KCNN3: variants seen among roughly 807,000 people sequenced by gnomAD.
The protein encoded by KCNN3 is small conductance calcium-activated potassium channel protein 3.
Under a neutral mutation model 62.9 loss-of-function variants are expected in KCNN3, and 16 were observed. The ratio of observed to expected loss-of-function variants is 0.25; its 90% CI spans 0.17 to 0.39. The LOEUF is 0.39. Ranked by LOEUF, KCNN3 falls within the 10% of genes least tolerant of loss-of-function variation. The pLI is 1.00. For missense variants in KCNN3, 599 were observed against 949.4 expected (o/e 0.63, Z 4.85); for synonymous variants, 370 against 389.2 (o/e 0.95, Z 0.58).
intron 5 of KCNN3, 72 bp from the exon 6 acceptor site, chr1:154,715,075 T>C: frequency 6.4e-7 from 1 of 1,553,004 alleles, no homozygotes; most frequent in Non-Finnish European, 8.9e-7. Flanking sequence ...GTTGCTACTG[T>C]AGTCTACCTC....
chr1:154,720,257 C>T (rs1700319160), intron 5 of KCNN3, among the ~76,000 whole-genome samples: 1 of 152,190 alleles, frequency 6.6e-6, no homozygotes, highest in African/African-American at 2.4e-5. Context: ...AAGGGTCCTT[C>T]CAGCTTAAAC....
In KCNN3 at chr1:154,753,569, G is replaced by A. The variant is rs149800854; in HGVS notation, c.1448+18406C>T. 1.1e-4 allele frequency among the ~76,000 whole-genome samples: 16 copies of A among 152,276 alleles called. No homozygotes were observed. In the East Asian group the frequency reaches 2.5e-3, roughly 24 times the overall value. ...CCCAAAAGCCCTGCCACAGGCGATC[G>A]GGGTCCCAAGGGCCCAGGCCTCCTC... On this transcript the variant is annotated intron_variant, in intron 3 of 7. Coordinates refer to ENST00000271915, the MANE Select transcript of KCNN3 (RefSeq NM_002249.6).
At chr1:154,779,588 T>C (rs1385796802) in intron 2 of KCNN3, among the ~76,000 whole-genome samples, 1 of 152,224 alleles carries the variant, frequency 6.6e-6, no homozygotes, top group Non-Finnish European at 1.5e-5. Flanking sequence ...TTGTTTTGCA[T>C]ACAAAGTGTT....
intron 3 of KCNN3, among the ~76,000 whole-genome samples, chr1:154,768,439 A>G (rs1291463840): frequency 6.6e-6 from 1 of 152,214 alleles, no homozygotes; most frequent in East Asian, 1.9e-4. Context: ...TGAGATGCTG[A>G]GATTTGGGGG....
At chr1:154,732,866 G>T in intron 4 of KCNN3, 137 bp downstream of exon 4, 1 of 835,268 alleles carries the variant, frequency 1.2e-6, no homozygotes, top group Admixed American at 1.8e-5. Flanking sequence ...TTTATGTGTA[G>T]GGGACACACA....
chr1:154,744,758 A>T (rs1461794947), intron 3 of KCNN3, among the ~76,000 whole-genome samples: 1 of 152,198 alleles, frequency 6.6e-6, no homozygotes, highest in Non-Finnish European at 1.5e-5. Flanking sequence ...GGGTGAAATC[A>T]TCATTTCTTA....
At chr1:154,775,710 A>T (rs1648760960) in intron 2 of KCNN3, among the ~76,000 whole-genome samples, 1 of 152,040 alleles carries the variant, frequency 6.6e-6, no homozygotes, top group South Asian at 2.1e-4. Flanking sequence ...CACCAGCTGG[A>T]GACTCACCCT....
At chr1:154,843,967 C>T (rs1008219834) in intron 1 of KCNN3, among the ~76,000 whole-genome samples, 12 of 152,234 alleles carry the variant, frequency 7.9e-5, no homozygotes, top group African/African-American at 2.6e-4. Context: ...GTGACTGCCC[C>T]GAAAGTAGGA....
intron 2 of KCNN3, among the ~76,000 whole-genome samples, chr1:154,781,101 G>T (rs181198699): frequency 2.6e-5 from 4 of 152,310 alleles, no homozygotes; most frequent in Admixed American, 2.6e-4. Context: ...CTCACTTTTG[G>T]TCTCTTGCAG....
At chr1:154,826,065 A>AC (rs148462196) in intron 1 of KCNN3, among the ~76,000 whole-genome samples, 12 of 25,184 alleles carry the variant, frequency 4.8e-4, no homozygotes, top group Non-Finnish European at 7.2e-4. Context: ...ACAAAAACAA[A>AC]AACAAAAACA....
At position 154,720,127 on chromosome 1, in the gene KCNN3, C is replaced by T. The variant is rs142802380; in HGVS notation, c.1702-5124G>A. Among the ~76,000 whole-genome samples the T allele has an allele frequency of 3.5e-3, 533 of 152,338 alleles. 3 individuals are homozygous for T. Among genetic ancestry groups the T allele is most frequent in the African/African-American group, 0.012 (489 of 41,578 alleles). On this transcript the variant is annotated intron_variant, in intron 5 of 7. Coordinates refer to ENST00000271915, the MANE Select transcript of KCNN3 (RefSeq NM_002249.6). Reference sequence around the variant, plus strand: ...CCATGCTGAGTTCCAAGGAACTGACCGCCCTAAAGCTGCCTGCCTGATGGT... The same window carrying T: ...CCATGCTGAGTTCCAAGGAACTGACTGCCCTAAAGCTGCCTGCCTGATGGT...
At chr1:154,822,250 G>A (rs1444843308) in intron 1 of KCNN3, 66 bp from the exon 2 acceptor site, 33 of 1,229,840 alleles carry the variant, frequency 2.7e-5, no homozygotes, top group Non-Finnish European at 3.5e-5. Flanking sequence ...TTTATTCTGC[G>A]GCTGTGTAAA....
At chr1:154,715,097 A>T in intron 5 of KCNN3, 94 bp from the exon 6 acceptor site, 1 of 1,452,810 alleles carries the variant, frequency 6.9e-7, no homozygotes, top group South Asian at 1.1e-5. Flanking sequence ...TAAGGAAACG[A>T]TTTTGCAATG....
intron 2 of KCNN3, among the ~76,000 whole-genome samples, chr1:154,811,104 G>A (rs1650388748): frequency 6.6e-6 from 1 of 152,196 alleles, no homozygotes; most frequent in Admixed American, 6.5e-5. Context: ...AGATGGAGGC[G>A]ACACTATTAC....
intron 2 of KCNN3, among the ~76,000 whole-genome samples, chr1:154,800,397 A>G (rs557964306): frequency 6.6e-6 from 1 of 152,266 alleles, no homozygotes; most frequent in South Asian, 2.1e-4. Context: ...CTCTGTCCTC[A>G]CAGAGCTGTT....
intron 3 of KCNN3, among the ~76,000 whole-genome samples, chr1:154,759,270 C>T (rs1035575382): frequency 6.6e-6 from 1 of 152,188 alleles, no homozygotes; most frequent in African/African-American, 2.4e-5. Flanking sequence ...GCCTAGGACA[C>T]CAAACTCATG....
At chr1:154,721,385 C>T (rs1486393773) in intron 5 of KCNN3, among the ~76,000 whole-genome samples, 1 of 151,168 alleles carries the variant, frequency 6.6e-6, no homozygotes, top group African/African-American at 2.4e-5. Flanking sequence ...CTGTAACCTC[C>T]GCCTCCTGGG....
Position 154,707,525 on chromosome 1 carries a change from G to C in KCNN3, c.*451C>G, listed in dbSNP as rs1468202723. On this transcript the variant is annotated 3_prime_UTR_variant, in exon 8 of 8. Coordinates refer to ENST00000271915, the MANE Select transcript of KCNN3 (RefSeq NM_002249.6). ...CACCCAGAGGCTTCCGTAGACAAAA[G>C]GAAAGGAGAGAGGTGTGTTCAAAGA... is the stretch of plus-strand genomic sequence containing the variant. 1 of 152,952 alleles carries C rather than the reference G, an allele frequency of 6.5e-6. No individual in the cohort carries two copies. Among genetic ancestry groups the C allele is most frequent in the African/African-American group, 2.4e-5 (1 of 41,088 alleles). The allele number at this position is 152,952 out of a possible 1,614,324, so 9.5% of individuals were successfully genotyped here.
At chr1:154,867,045 G>A (rs917032115) in intron 1 of KCNN3, among the ~76,000 whole-genome samples, 16 of 152,188 alleles carry the variant, frequency 1.1e-4, no homozygotes, top group Non-Finnish European at 1.0e-4. Context: ...CTCTGACTAC[G>A]GGTGTCACTG....
Sources: allele counts gnomAD v4.1 joint callset (sites outside exome capture counted in the v4.1 genomes callset), GRCh38; gene constraint gnomAD v4.1.1; transcripts MANE v1.5; gene names NCBI Gene and HGNC (gene_info 2026-07-23, HGNC 2026-07-21).